The following DEF6 variants were observed in gnomAD, a reference collection of about 807,000 sequenced individuals.
The protein encoded by DEF6 is differentially expressed in FDCP 6 homolog.
In DEF6, 32 loss-of-function variants were observed where a neutral mutation model predicts 80.5. The ratio of observed to expected loss-of-function variants is 0.40; its 90% CI spans 0.30 to 0.53. The LOEUF is 0.53. Ranked by LOEUF, DEF6 falls within the 20% of genes least tolerant of loss-of-function variation. The pLI is 0.57. For synonymous variants in DEF6, 300 were observed against 337.9 expected, an observed-to-expected ratio of 0.89 and a Z score of 1.23; for missense variants, 575 against 818.7, an observed-to-expected ratio of 0.70 and a Z score of 3.63.
intron 5 of DEF6, 93 bp from the exon 6 acceptor site, chr6:35,317,798 G>A: frequency 1.9e-6 from 2 of 1,075,678 alleles, no homozygotes; most frequent in Non-Finnish European, 2.7e-6. Flanking sequence ...AGATAGCCAG[G>A]AGGGCTAGGG....
chr6:35,319,969 G>T lies in DEF6; in HGVS notation c.1533G>T (p.Gln511His). The T allele has an allele frequency of 1.9e-6, 3 of 1,565,794 alleles. No individual in the cohort carries two copies. The highest frequency in any genetic ancestry group is 2.6e-6 in the Non-Finnish European group (3 of 1,154,568). ...GCTCCCTGCAGCAGGCCCAGCAGCA[G>T]CTGGAGGAGGTGCGGCAGAACCGGC... Reference protein sequence around the residue: ...QSRSLQQAQQQLEEVRQNRQR... With the variant: ...QSRSLQQAQQHLEEVRQNRQR... The change falls in exon 9 of 11, where the codon CAG (glutamine) becomes CAT (histidine). Residue 511 changes from glutamine to histidine, a missense_variant. Coordinates refer to ENST00000316637, the MANE Select transcript of DEF6 (RefSeq NM_022047.4). The surrounding 1 kb of genome is among the most constrained non-coding windows in gnomAD (Gnocchi z 4.5).
chr6:35,320,574 T>C (rs1030193173), intron 9 of DEF6, among the ~76,000 whole-genome samples: 1 of 152,204 alleles, frequency 6.6e-6, no homozygotes, highest in Non-Finnish European at 1.5e-5. Flanking sequence ...TTTTGAACTT[T>C]TTTGTTGTTA....
intron 1 of DEF6, among the ~76,000 whole-genome samples, chr6:35,307,903 C>G (rs1791412816): frequency 6.6e-6 from 1 of 152,120 alleles, no homozygotes; most frequent in Admixed American, 6.5e-5. Flanking sequence ...GCTCCTGCCT[C>G]CTAGGAACTG....
In DEF6 at chr6:35,321,267, C is replaced by G. The variant is rs1350098303; in HGVS notation, c.1753C>G (p.Leu585Val). 6.2e-7 allele frequency: 1 copy of G among 1,613,858 alleles called. No individual in the cohort carries two copies. Among genetic ancestry groups the G allele is most frequent in the Non-Finnish European group, 8.5e-7 (1 of 1,180,028 alleles). Reference sequence around the variant, plus strand: ...CCACCGTGACTCCTCCCTAAAGCGCCTGACCCGCTGGGGATCCCAGGGCAA... The same window carrying G: ...CCACCGTGACTCCTCCCTAAAGCGCGTGACCCGCTGGGGATCCCAGGGCAA... ...LAHRDSSLKR[L>V]TRWGSQGNRT... Residue 585 changes from leucine to valine, a missense_variant, in exon 11 of 11, where the codon CTG (leucine) becomes GTG (valine). Physicochemically the swap from Leu to Val is conservative, Grantham distance 32. Transcript: ENST00000316637.
chr6:35,311,291 TTGG>T (rs1364480032), intron 3 of DEF6, among the ~76,000 whole-genome samples: 1 of 152,170 alleles, frequency 6.6e-6, no homozygotes, highest in Non-Finnish European at 1.5e-5. Flanking sequence ...TTTAGTCCTC[TTGG>T]TGGCTGTGGA....
Position 35,318,560 on chromosome 6 carries a change from G to C in DEF6, c.1215+89G>C, listed in dbSNP as rs1022108880. 1 of 1,270,868 alleles carries C rather than the reference G, an allele frequency of 7.9e-7. No homozygotes were observed. Among genetic ancestry groups the C allele is most frequent in the Non-Finnish European group, 1.0e-6 (1 of 992,212 alleles). The allele number at this position is 1,270,868 out of a possible 1,614,324, so 78.7% of individuals were successfully genotyped here. A position where few individuals can be genotyped will look rare whatever the true frequency, so the allele number is the denominator to read the frequency against. On this transcript the variant is annotated intron_variant, in intron 7 of 10. Transcript: ENST00000316637. The surrounding 1 kb of genome is among the most constrained non-coding windows in gnomAD (Gnocchi z 5.1). ...CGCCGGGGGCGGGGCCTGGGCAGAG[G>C]GCGGAGCTCCTGGGTTGAGGGGCGT...
chr6:35,308,801 C>T lies in DEF6; in HGVS notation c.97-869C>T, dbSNP rs537189894. On this transcript the variant is annotated intron_variant, in intron 1 of 10. Transcript: ENST00000316637. Reference sequence around the variant, plus strand: ...TAAATAAACCACCTCCTACAGTGACCGGCATATGGTAAGTGTGCAATAGTA... The same window carrying T: ...TAAATAAACCACCTCCTACAGTGACTGGCATATGGTAAGTGTGCAATAGTA... Among the ~76,000 whole-genome samples, 60 of 151,830 alleles carry T rather than the reference C, an allele frequency of 4.0e-4. 1 individual carries two copies. The highest frequency in any genetic ancestry group is 1.3e-3 in the African/African-American group (55 of 41,408).
chr6:35,298,246 C>T (rs1310328859), intron 1 of DEF6, among the ~76,000 whole-genome samples: 3 of 152,214 alleles, frequency 2.0e-5, no homozygotes, highest in Non-Finnish European at 4.4e-5. Context: ...GGGCCAGGAG[C>T]CAGGCCACAT....
Position 35,318,633 on chromosome 6 carries a change from G to C in DEF6, c.1215+162G>C, listed in dbSNP as rs549580604. Among the ~76,000 whole-genome samples, 15 of 152,140 alleles carry C rather than the reference G, an allele frequency of 9.9e-5. No homozygotes were observed. Among genetic ancestry groups the C allele is most frequent in the Non-Finnish European group, 1.8e-4 (12 of 68,008 alleles). ...GAGGGATTGTTGGGACAGAGTCCGC[G>C]GGTTTGAAAAAGAGATTTGGGATGG... is the stretch of plus-strand genomic sequence containing the variant. On this transcript the variant is annotated intron_variant, in intron 7 of 10. Coordinates refer to ENST00000316637, the MANE Select transcript of DEF6 (RefSeq NM_022047.4). The surrounding 1 kb of genome is among the most constrained non-coding windows in gnomAD (Gnocchi z 5.1).
rs1299976137 is a variant in DEF6 at position 35,321,521 on chromosome 6, C to T, written c.*111C>T. Reference sequence around the variant, plus strand: ...GGAGAGGGAGCTGAGGTCCTGGTGCCAGGGGCCCAGGCCCTCCAACCATAA... The same window carrying T: ...GGAGAGGGAGCTGAGGTCCTGGTGCTAGGGGCCCAGGCCCTCCAACCATAA... On this transcript the variant is annotated 3_prime_UTR_variant, in exon 11 of 11. Transcript: ENST00000316637. 9.0e-6 allele frequency: 9 copies of T among 995,312 alleles called. No homozygotes were observed. Among genetic ancestry groups the T allele is most frequent in the Non-Finnish European group, 3.0e-6 (2 of 677,764 alleles). 61.7% of individuals were successfully genotyped at this position (995,312 alleles called of 1,614,324 possible). A position where few individuals can be genotyped will look rare whatever the true frequency, so the allele number is the denominator to read the frequency against.
At chr6:35,321,137 T>A (rs1791585603) in intron 10 of DEF6, 50 bp from the exon 11 acceptor site, 2 of 1,597,372 alleles carry the variant, frequency 1.3e-6, no homozygotes, top group East Asian at 4.5e-5. Flanking sequence ...GCCCCTCGCC[T>A]CTCACCTTTG....
Position 35,309,695 on chromosome 6 carries a change from T to C in DEF6, c.122T>C (p.Val41Ala). The change falls in exon 2 of 11, where the codon GTC becomes GCC. Residue 41 changes from valine to alanine, a missense_variant. Transcript: ENST00000316637. ...GTGCTGTCCCACAACCTGTACACGG[T>C]CCTGCACATCCCCCATGACCCCGTG... ...LKVLSHNLYTVLHIPHDPVAL... is the reference protein window; with the variant it reads ...LKVLSHNLYTALHIPHDPVAL... 1 of 1,613,870 alleles carries C rather than the reference T, an allele frequency of 6.2e-7. No homozygotes were observed. Among genetic ancestry groups the C allele is most frequent in the Non-Finnish European group, 8.5e-7 (1 of 1,179,960 alleles).
intron 1 of DEF6, among the ~76,000 whole-genome samples, chr6:35,305,128 T>C (rs918747379): frequency 6.9e-6 from 1 of 145,790 alleles, no homozygotes; most frequent in African/African-American, 2.5e-5. Flanking sequence ...TGGGAACTCA[T>C]CTCTATGAAA....
Position 35,313,092 on chromosome 6 carries a change from C to G in DEF6, c.807+320C>G, listed in dbSNP as rs1791488895. Among the ~76,000 whole-genome samples, 3 of 152,180 alleles carry G rather than the reference C, an allele frequency of 2.0e-5. No individual in the cohort carries two copies. In the South Asian group the frequency reaches 6.2e-4, roughly 31 times the overall value. On this transcript the variant is annotated intron_variant, in intron 5 of 10. Coordinates refer to ENST00000316637, the MANE Select transcript of DEF6 (RefSeq NM_022047.4). ...AAAATCCCTTTTAAAGGTTTTTCTTCTTCACCCATATTCCATTCCCTTTAG... is the reference window on the plus strand; with the variant it reads ...AAAATCCCTTTTAAAGGTTTTTCTTGTTCACCCATATTCCATTCCCTTTAG...
chr6:35,300,681 C>G lies in DEF6; in HGVS notation c.96+2729C>G, dbSNP rs1791302771. ...AAAGTAAACCAATAGGAATGGCACT[C>G]CTGCCCAGGATGGATTTAGGTTGAA... is the stretch of plus-strand genomic sequence containing the variant. On this transcript the variant is annotated intron_variant, in intron 1 of 10. Coordinates refer to ENST00000316637, the MANE Select transcript of DEF6 (RefSeq NM_022047.4). 2.6e-5 allele frequency among the ~76,000 whole-genome samples: 4 copies of G among 152,328 alleles called. No individual in the cohort carries two copies. In the South Asian group the frequency reaches 6.2e-4, roughly 24 times the overall value.
intron 1 of DEF6, among the ~76,000 whole-genome samples, chr6:35,298,318 C>T (rs1791267655): frequency 6.6e-6 from 1 of 152,200 alleles, no homozygotes; most frequent in Admixed American, 6.5e-5. Context: ...ACGCAGTGTG[C>T]TCTTTCTTGC....
intron 1 of DEF6, among the ~76,000 whole-genome samples, chr6:35,304,615 A>G (rs534664037): frequency 5.3e-5 from 8 of 152,248 alleles, no homozygotes; most frequent in Non-Finnish European, 1.0e-4. Context: ...CTGTGGAAGG[A>G]CTCGAACTTT....
Position 35,317,940 on chromosome 6 carries a change from C to T in DEF6, c.857C>T (p.Ala286Val). Residue 286 changes from alanine (A) to valine (V), a missense_variant, in exon 6 of 11, where the codon GCC becomes GTC. Coordinates refer to ENST00000316637, the MANE Select transcript of DEF6 (RefSeq NM_022047.4). Reference sequence around the variant, plus strand: ...CGCTGCATGTTCTGTGTGAAGACAGCCAACCGCACGTATGAGATGAGCGCC... The same window carrying T: ...CGCTGCATGTTCTGTGTGAAGACAGTCAACCGCACGTATGAGATGAGCGCC... ...GKRCMFCVKT[A>V]NRTYEMSASD... The T allele has an allele frequency of 6.2e-7, 1 of 1,613,998 alleles. No individual in the cohort carries two copies.
Position 35,321,638 on chromosome 6 carries a change from G to T in DEF6, c.*228G>T. On this transcript the variant is annotated 3_prime_UTR_variant, in exon 11 of 11. Transcript: ENST00000316637. ...TGGGATGTTGATCCTTGAGAACTTG[G>T]CCCTGTGCTTTAGACCCAAGGACCC... 2.3e-6 allele frequency: 1 copy of T among 444,226 alleles called. No individual in the cohort carries two copies. The allele number at this position is 444,226 out of a possible 1,614,324, so 27.5% of individuals were successfully genotyped here. A position where few individuals can be genotyped will look rare whatever the true frequency, so the allele number is the denominator to read the frequency against.
Sources: allele counts gnomAD v4.1 joint callset (sites outside exome capture counted in the v4.1 genomes callset), GRCh38; gene constraint gnomAD v4.1.1; non-coding constraint Gnocchi (gnomAD v3.1); transcripts MANE v1.5; gene names NCBI Gene and HGNC (gene_info 2026-07-23, HGNC 2026-07-21).